The following CIAO2A variants were observed in gnomAD, a reference collection of about 807,000 sequenced individuals.
The protein encoded by CIAO2A is cytosolic iron-sulfur assembly component 2A, also known as MIP18 family protein FAM96A.
In CIAO2A, 17 loss-of-function variants were observed where a neutral mutation model predicts 22.4. That is an observed-to-expected ratio of 0.76 (90% CI 0.52 to 1.14). CIAO2A has a LOEUF of 1.14. Among genes scored for constraint, CIAO2A ranks in the 50% most tolerant of loss-of-function variants. The pLI is 0.00. For missense variants in CIAO2A, 192 were observed against 191.4 expected (o/e 1.00, Z -0.02); for synonymous variants, 74 against 72.3 (o/e 1.02, Z -0.12).
chr15:64,075,958 GC>G (rs1306565138), intron 3 of CIAO2A, among the ~76,000 whole-genome samples: 2 of 150,192 alleles, frequency 1.3e-5, no homozygotes, highest in African/African-American at 4.9e-5. Context: ...TGCGCCCAGC[GC>G]CCCCCAAATC....
chr15:64,092,382 C>T (rs1239262196), intron 1 of CIAO2A, among the ~76,000 whole-genome samples: 1 of 152,158 alleles, frequency 6.6e-6, no homozygotes, highest in Non-Finnish European at 1.5e-5. Flanking sequence ...CAAGTGGCTC[C>T]TTCTCTTTAT....
intron 1 of CIAO2A, 47 bp downstream of exon 1, chr15:64,093,598 G>T (rs1251806203): frequency 1.3e-6 from 2 of 1,588,500 alleles, no homozygotes; most frequent in South Asian, 1.1e-5. Flanking sequence ...CCTCAGCTCC[G>T]GCCTGCACCT....
At chr15:64,091,337 G>A (rs2080838200) in intron 1 of CIAO2A, among the ~76,000 whole-genome samples, 1 of 151,994 alleles carries the variant, frequency 6.6e-6, no homozygotes, top group Non-Finnish European at 1.5e-5. Context: ...ATACAAAAAT[G>A]AGCCGGGTGT....
chr15:64,091,263 C>A (rs1348543229), intron 1 of CIAO2A, among the ~76,000 whole-genome samples: 1 of 151,868 alleles, frequency 6.6e-6, no homozygotes, highest in East Asian at 1.9e-4. Flanking sequence ...AGTGGATCAC[C>A]CACCTGAGTT....
intron 2 of CIAO2A, among the ~76,000 whole-genome samples, chr15:64,084,819 G>A (rs1020242550): frequency 2.0e-5 from 3 of 151,358 alleles, no homozygotes; most frequent in African/African-American, 7.3e-5. Flanking sequence ...TCGGTCAGGC[G>A]CGGTGGCTCA....
At chr15:64,073,088 G>A in intron 4 of CIAO2A, 60 bp from the exon 5 acceptor site, 2 of 1,137,464 alleles carry the variant, frequency 1.8e-6, no homozygotes, top group Non-Finnish European at 2.6e-6. Flanking sequence ...GCACCAGACA[G>A]TATTTTTATT....
intron 3 of CIAO2A, 111 bp from the exon 4 acceptor site, chr15:64,075,648 T>G: frequency 1.8e-6 from 1 of 557,326 alleles, no homozygotes; most frequent in Non-Finnish European, 3.0e-6. Flanking sequence ...GCCCAAATCC[T>G]GTTTCTTTTT....
intron 2 of CIAO2A, among the ~76,000 whole-genome samples, chr15:64,086,783 T>C (rs1177497763): frequency 2.7e-5 from 4 of 149,938 alleles, no homozygotes; most frequent in Non-Finnish European, 4.4e-5. Context: ...CCAGCTAATT[T>C]TTGTATTTTT....
intron 2 of CIAO2A, among the ~76,000 whole-genome samples, chr15:64,087,055 G>A (rs1452871313): frequency 2.7e-5 from 4 of 149,072 alleles, no homozygotes; most frequent in Admixed American, 6.7e-5. Context: ...GGGATTACAG[G>A]TGTGTGCCAC....
chr15:64,078,635 C>CAAAAAAAAAAA (rs1491101619), intron 3 of CIAO2A, among the ~76,000 whole-genome samples: 1 of 20,352 alleles, frequency 4.9e-5, no homozygotes, highest in African/African-American at 9.2e-5. Context: ...GATTCCATCG[C>CAAAAAAAAAAA]AAACAAAAAA....
chr15:64,078,607 G>C lies in CIAO2A; in HGVS notation c.339+2495C>G, dbSNP rs35529198. Among the ~76,000 whole-genome samples the C allele has an allele frequency of 8.7e-5, 13 of 149,014 alleles. No homozygotes were observed. The South Asian group carries it at 2.7e-3, about 31-fold the overall frequency. ...GCCGAGATCGCACCACTGCCCTCCA[G>C]CCTGGGCGACAGAGCGAGATTCCAT... On this transcript the variant is annotated intron_variant, in intron 3 of 4. Transcript: ENST00000300030.
chr15:64,086,676 C>T (rs2080798224), intron 2 of CIAO2A, among the ~76,000 whole-genome samples: 1 of 150,216 alleles, frequency 6.7e-6, no homozygotes, highest in South Asian at 2.1e-4. Context: ...TGCAGTGGCG[C>T]AATCTCAGCT....
intron 1 of CIAO2A, among the ~76,000 whole-genome samples, chr15:64,089,564 T>C (rs1478574334): frequency 6.6e-6 from 1 of 152,022 alleles, no homozygotes; most frequent in Non-Finnish European, 1.5e-5. Context: ...AACCCTAGTT[T>C]GCCTGGAAGC....
In CIAO2A at chr15:64,080,243, C is replaced by G. The variant is rs887785934; in HGVS notation, c.339+859G>C. 2.1e-4 allele frequency among the ~76,000 whole-genome samples: 32 copies of G among 151,400 alleles called. 1 individual carries two copies. Among genetic ancestry groups the G allele is most frequent in the African/African-American group, 7.8e-4 (32 of 41,178 alleles). ...TCTACTAAAAATAAAAAAAAATTAGCCGGGAATGGTGGTACATGCCTATAA... is the reference window on the plus strand; with the variant it reads ...TCTACTAAAAATAAAAAAAAATTAGGCGGGAATGGTGGTACATGCCTATAA... On this transcript the variant is annotated intron_variant, in intron 3 of 4. Coordinates refer to ENST00000300030, the MANE Select transcript of CIAO2A (RefSeq NM_032231.7).
In CIAO2A at chr15:64,083,041, G is replaced by GTAATAA. The variant is rs546473361; in HGVS notation, c.290-1896_290-1891dup. 3.4e-5 allele frequency among the ~76,000 whole-genome samples: 5 copies of GTAATAA among 148,594 alleles called. No homozygotes were observed. In the East Asian group the frequency reaches 5.9e-4, roughly 17 times the overall value. ...ACGTAGCAAGACCCCATCTCTAAAA[G>GTAATAA]TAATAATAATAATAATAATAATAAA... is the stretch of plus-strand genomic sequence containing the variant. On this transcript the variant is annotated intron_variant, in intron 2 of 4. Coordinates refer to ENST00000300030, the MANE Select transcript of CIAO2A (RefSeq NM_032231.7).
chr15:64,078,499 G>T (rs1247727487), intron 3 of CIAO2A, among the ~76,000 whole-genome samples: 1 of 152,136 alleles, frequency 6.6e-6, no homozygotes, highest in Non-Finnish European at 1.5e-5. Context: ...AGCTGGGTGT[G>T]GTGGTATGCG....
intron 4 of CIAO2A, chr15:64,073,752 T>G (rs2080693552): frequency 6.6e-6 from 1 of 152,178 alleles, no homozygotes; most frequent in Non-Finnish European, 1.5e-5. Context: ...CACACCTGGC[T>G]AATTTTCAAA....
At chr15:64,093,168 C>G (rs1267342258) in intron 1 of CIAO2A, among the ~76,000 whole-genome samples, 1 of 152,206 alleles carries the variant, frequency 6.6e-6, no homozygotes, top group Non-Finnish European at 1.5e-5. Flanking sequence ...CTGACTTTGC[C>G]GGATAGAGTG....
At chr15:64,083,181 A>C (rs1380771112) in intron 2 of CIAO2A, among the ~76,000 whole-genome samples, 1 of 151,104 alleles carries the variant, frequency 6.6e-6, no homozygotes, top group Non-Finnish European at 1.5e-5. Context: ...ATAGTATAAA[A>C]ATAATTACTA....
Sources: allele counts gnomAD v4.1 joint callset (sites outside exome capture counted in the v4.1 genomes callset), GRCh38; gene constraint gnomAD v4.1.1; transcripts MANE v1.5; gene names NCBI Gene and HGNC (gene_info 2026-07-23, HGNC 2026-07-21).